The following FIBP variants were observed in gnomAD, a reference collection of about 807,000 sequenced individuals.
FIBP encodes the protein acidic fibroblast growth factor intracellular-binding protein.
FIBP carries 29 observed loss-of-function variants against 40.5 expected under a neutral mutation model. That is an observed-to-expected ratio of 0.72 (90% CI 0.53 to 0.98). The LOEUF (loss-of-function observed/expected upper bound fraction) is 0.98, where lower values mean the gene tolerates loss of function less well. Ranked by LOEUF, FIBP falls within the 50% of genes least tolerant of loss-of-function variation. FIBP has a pLI of 0.00. For missense variants in FIBP, 411 were observed against 470.2 expected (o/e 0.87, Z 1.16); for synonymous variants, 215 against 191.1 (o/e 1.13, Z -1.03).
At chr11:65,886,549 G>A (rs1860243396) in intron 3 of FIBP, 127 bp from the exon 4 acceptor site, 2 of 666,476 alleles carry the variant, frequency 3.0e-6, no homozygotes, top group East Asian at 5.3e-5. Flanking sequence ...TGCTGATTTA[G>A]CATTTGTTAT....
chr11:65,888,188 G>A (rs1860294610), intron 1 of FIBP, 56 bp from the exon 2 acceptor site: 1 of 1,514,250 alleles, frequency 6.6e-7, no homozygotes, highest in Non-Finnish European at 8.9e-7. Flanking sequence ...AGGCCCTTAA[G>A]GGTTTCCATC....
Position 65,883,995 on chromosome 11 carries a change from G to A in FIBP, c.1053C>T (p.Leu351=). The A allele has an allele frequency of 6.2e-7, 1 of 1,614,038 alleles. No individual in the cohort carries two copies. The highest frequency in any genetic ancestry group is 8.5e-7 in the Non-Finnish European group (1 of 1,179,984). Residue 351 remains leucine, a synonymous_variant, in exon 10 of 10, where the codon CTC becomes CTT. Coordinates refer to ENST00000357519, the MANE Select transcript of FIBP (RefSeq NM_004214.5). ...DRYMGTLRGC[L]LRLYHD Reference sequence around the variant, plus strand: ...CACCTCAGTCATGATACAGGCGCAGGAGGCAGCCGCGGAGGGTGCCCATGT... The same window carrying A: ...CACCTCAGTCATGATACAGGCGCAGAAGGCAGCCGCGGAGGGTGCCCATGT...
Position 65,885,598 on chromosome 11 carries a change from T to C in FIBP, c.578A>G (p.Tyr193Cys), listed in dbSNP as rs1383615097. ...RFETGKKKLQYLSFGDFAFCA... is the reference protein window; with the variant it reads ...RFETGKKKLQCLSFGDFAFCA... The stretch of plus-strand genomic sequence containing the variant: ...GAAGGCAAAGTCACCGAAGCTCAGA[T>C]ACTGCAGTTTTTTCTTCCCTGTCTC... The change falls in exon 5 of 10, where the codon TAT (tyrosine) becomes TGT (cysteine). Residue 193 changes from tyrosine (Y) to cysteine (C), a missense_variant. Transcript: ENST00000357519. The C allele has an allele frequency of 1.9e-6, 3 of 1,614,072 alleles. No individual in the cohort carries two copies. In the African/African-American group the frequency reaches 4.0e-5, roughly 22 times the overall value.
In FIBP at chr11:65,883,893, C is replaced by G. The variant is rs1236132882; in HGVS notation, c.*81G>C. The G allele has an allele frequency of 3.7e-5, 47 of 1,257,524 alleles. No homozygotes were observed. Among genetic ancestry groups the G allele is most frequent in the Middle Eastern group, 4.3e-4 (2 of 4,646 alleles). The allele number at this position is 1,257,524 out of a possible 1,614,324, so 77.9% of individuals were successfully genotyped here. ...GACACAGGCACATCTGCACGCCCCC[C>G]ACTTGCTCCCCGGAGCGAGGACCAG... On this transcript the variant is annotated 3_prime_UTR_variant, in exon 10 of 10. Transcript: ENST00000357519.
chr11:65,888,399 A>G lies in FIBP; in HGVS notation c.20T>C (p.Ile7Thr), dbSNP rs1177748762. The change falls in exon 1 of 10, where the codon ATC (isoleucine) becomes ACC (threonine). Residue 7 changes from isoleucine to threonine, a missense_variant. Ile to Thr is a moderately conservative substitution (Grantham distance 89, BLOSUM62 -1). Coordinates refer to ENST00000357519, the MANE Select transcript of FIBP (RefSeq NM_004214.5). The part of the protein sequence containing the change: MTSELD[I>T]FVGNTTLIDE... The stretch of plus-strand genomic sequence containing the variant: ...GATAAGGGTCGTGTTCCCCACGAAG[A>G]TGTCCAGCTCACTGGTCATGGCGAC... 1 of 1,567,428 alleles carries G rather than the reference A, an allele frequency of 6.4e-7. No individual in the cohort carries two copies. The highest frequency in any genetic ancestry group is 8.7e-7 in the Non-Finnish European group (1 of 1,155,728).
intron 3 of FIBP, 131 bp downstream of exon 3, chr11:65,887,469 G>C (rs949560437): frequency 4.8e-6 from 5 of 1,045,376 alleles, no homozygotes; most frequent in Non-Finnish European, 7.3e-6. Flanking sequence ...AAAAAGGAGG[G>C]GAAAGGGGAA....
In FIBP at chr11:65,886,573, T is replaced by C. The variant is rs1052656142; in HGVS notation, c.412-151A>G. ...AGCATTTGTTATTCCTTCAACCAAC[T>C]ATTAGTTATTAGTACTTGTTATCAA... On this transcript the variant is annotated intron_variant, in intron 3 of 9. Coordinates refer to ENST00000357519, the MANE Select transcript of FIBP (RefSeq NM_004214.5). 42 of 616,338 alleles carry C rather than the reference T, an allele frequency of 6.8e-5. No individual in the cohort carries two copies. The East Asian group carries it at 1.2e-3, about 17-fold the overall frequency. 38.2% of individuals were successfully genotyped at this position (616,338 alleles called of 1,614,324 possible).
Position 65,888,406 on chromosome 11 carries a change from G to C in FIBP, c.13C>G (p.Leu5Val). The C allele has an allele frequency of 2.6e-6, 4 of 1,566,700 alleles. No individual in the cohort carries two copies. Among genetic ancestry groups the C allele is most frequent in the Non-Finnish European group, 3.5e-6 (4 of 1,155,324 alleles). The change falls in exon 1 of 10, where the codon CTG (leucine) becomes GTG (valine). Residue 5 changes from leucine (L) to valine (V), a missense_variant. Transcript: ENST00000357519. MTSELDIFVGNTTLI... is the reference protein window; with the variant it reads MTSEVDIFVGNTTLI... ...GTCGTGTTCCCCACGAAGATGTCCA[G>C]CTCACTGGTCATGGCGACGCCCGGG...
At chr11:65,885,846 C>G (rs1377649360) in intron 4 of FIBP, 183 bp from the exon 5 acceptor site, 1 of 605,354 alleles carries the variant, frequency 1.7e-6, no homozygotes, top group African/African-American at 1.9e-5. Context: ...GGTTCCAGCT[C>G]AAGTTTACTA....
Position 65,887,615 on chromosome 11 carries a change from CTT to C in FIBP, c.394_395del (p.Lys132GlufsTer7). On this transcript the variant is annotated frameshift_variant, in exon 3 of 10. Coordinates refer to ENST00000357519, the MANE Select transcript of FIBP (RefSeq NM_004214.5). LOFTEE classifies it high-confidence loss of function. ...CAGTGCATACCTGTCTCCGGCAGCTCTTGAGGGTGATGCCTGTTTTGGTGCTG... is the reference window on the plus strand; with the variant it reads ...CAGTGCATACCTGTCTCCGGCAGCTCGAGGGTGATGCCTGTTTTGGTGCTG... ...DISTKTGITLKSCRRQFDNFK... is the reference protein window; with the variant it reads ...DISTKTGITLXSCRRQFDNFK... 1 of 1,614,108 alleles carries C rather than the reference CTT, an allele frequency of 6.2e-7. No homozygotes were observed. The highest frequency in any genetic ancestry group is 8.5e-7 in the Non-Finnish European group (1 of 1,180,012).
At chr11:65,885,888 G>A in intron 4 of FIBP, 1 of 538,674 alleles carries the variant, frequency 1.9e-6, no homozygotes, top group East Asian at 3.0e-5. Context: ...AAGGGTAACA[G>A]TTACTATCTA....
intron 1 of FIBP, 48 bp from the exon 2 acceptor site, chr11:65,888,180 GC>G: frequency 6.6e-7 from 1 of 1,516,872 alleles, no homozygotes; most frequent in Non-Finnish European, 8.8e-7. Flanking sequence ...GACGCCAGAG[GC>G]CCTTAAGGGT....
At chr11:65,885,331 C>T in intron 5 of FIBP, 145 bp from the exon 6 acceptor site, 3 of 909,568 alleles carry the variant, frequency 3.3e-6, no homozygotes, top group Non-Finnish European at 5.2e-6. Context: ...ATGCCCCAGG[C>T]CACAGAGAGG....
Position 65,888,043 on chromosome 11 carries a change from G to A in FIBP, c.175C>T (p.His59Tyr), listed in dbSNP as rs1565283221. 1 of 1,611,692 alleles carries A rather than the reference G, an allele frequency of 6.2e-7. No individual in the cohort carries two copies. The highest frequency in any genetic ancestry group is 8.5e-7 in the Non-Finnish European group (1 of 1,179,382). Residue 59 changes from histidine (H) to tyrosine (Y), a missense_variant, in exon 2 of 10, where the codon CAT (histidine) becomes TAT (tyrosine). Transcript: ENST00000357519. The part of the protein sequence containing the change: ...AAVLQSDTMD[H>Y]YRTFHMLERL... ...TCGAGCATGTGGAAGGTGCGGTAAT[G>A]GTCCATGGTGTCGCTCTGCAGCACC...
intron 5 of FIBP, 30 bp downstream of exon 5, chr11:65,885,500 T>G: frequency 6.2e-7 from 1 of 1,603,198 alleles, no homozygotes; most frequent in Non-Finnish European, 8.5e-7. Flanking sequence ...TGGGGAGGCG[T>G]CCAGGCACCT....
Position 65,886,334 on chromosome 11 carries a change from T to A in FIBP, c.500A>T (p.Asp167Val), listed in dbSNP as rs772173316. 8.7e-6 allele frequency: 14 copies of A among 1,613,028 alleles called. No individual in the cohort carries two copies. Among genetic ancestry groups the A allele is most frequent in the Non-Finnish European group, 5.1e-6 (6 of 1,179,300 alleles). ...DNIQQHFLLS[D>V]RLARDYAAIV... ...GCTAGCTCCTCACCTGGCCAACCGG[T>A]CAGAGAGGAGGAAGTGTTGCTGAAT... Residue 167 changes from aspartate (D) to valine (V), a missense_variant, in exon 4 of 10, where the codon GAC (aspartate) becomes GTC (valine). Asp to Val is a radical substitution (Grantham distance 152). Transcript: ENST00000357519.
In FIBP at chr11:65,884,564, G is replaced by T; in HGVS notation, c.906+6C>A. On this transcript the variant is annotated splice_donor_region_variant and intron_variant, in intron 8 of 9. Coordinates refer to ENST00000357519, the MANE Select transcript of FIBP (RefSeq NM_004214.5). Reference sequence around the variant, plus strand: ...AGGTTGGGTGTCAGAGAGCACGACAGCTCACCTTCTCCACGAGGTCCACAA... The same window carrying T: ...AGGTTGGGTGTCAGAGAGCACGACATCTCACCTTCTCCACGAGGTCCACAA... The T allele has an allele frequency of 6.2e-7, 1 of 1,614,150 alleles. No homozygotes were observed. The highest frequency in any genetic ancestry group is 8.5e-7 in the Non-Finnish European group (1 of 1,179,984).
intron 3 of FIBP, 84 bp downstream of exon 3, chr11:65,887,516 T>A: frequency 5.2e-6 from 7 of 1,339,140 alleles, no homozygotes; most frequent in Non-Finnish European, 6.3e-6. Flanking sequence ...GCTGCCACAA[T>A]CAGAGGCTGG....
chr11:65,884,844 C>T, intron 7 of FIBP, 91 bp downstream of exon 7: 1 of 1,506,642 alleles, frequency 6.6e-7, no homozygotes, highest in Non-Finnish European at 9.2e-7. Context: ...CACCTGCCGG[C>T]CAATCCCTGG....
Sources: gnomAD v4.1 joint callset for allele counts on GRCh38, gnomAD v4.1.1 for gene constraint, MANE v1.5 for transcripts, NCBI Gene and HGNC (gene_info 2026-07-23, HGNC 2026-07-21) for gene names.